The following COL5A1 variants were observed in gnomAD, a reference collection of about 807,000 sequenced individuals.
COL5A1 encodes the protein collagen type V alpha 1 chain, also known as collagen alpha-1(V) chain.
A neutral mutation model predicts 263.7 loss-of-function variants in COL5A1; 16 were observed. That is an observed-to-expected ratio of 0.06 (90% CI 0.04 to 0.09). The LOEUF (loss-of-function observed/expected upper bound fraction) is 0.09. Among genes scored for constraint, COL5A1 ranks in the 10% least tolerant of loss-of-function variants. The pLI, the probability that COL5A1 is intolerant of heterozygous loss-of-function variation, is 1.00. For synonymous variants in COL5A1, 1,012 were observed against 1,004.5 expected (o/e 1.01, Z -0.14); for missense variants, 2,036 against 2,540.5 (o/e 0.80, Z 4.27).
chr9:134,668,220 A>G (rs891904436), intron 1 of COL5A1, among the ~76,000 whole-genome samples: 6 of 152,232 alleles, frequency 3.9e-5, no homozygotes, highest in Non-Finnish European at 8.8e-5. Flanking sequence ...ACATGGTTCA[A>G]TCTAATGCTA....
Position 134,745,639 on chromosome 9 carries a change from G to A in COL5A1, c.1495-4903G>A, listed in dbSNP as rs1468364502. ...CCCTAGGGCTCCTGGAAGAGTGTCT[G>A]TCTAGCTCTTGGAAGGGGCTCAGTA... On this transcript the variant is annotated intron_variant, in intron 11 of 65. Transcript: ENST00000371817. 2.6e-5 allele frequency among the ~76,000 whole-genome samples: 4 copies of A among 152,290 alleles called. 1 individual carries two copies. Among genetic ancestry groups the A allele is most frequent in the African/African-American group, 9.6e-5 (4 of 41,552 alleles).
chr9:134,795,050 G>A, intron 32 of COL5A1, 32 bp from the exon 33 acceptor site: 1 of 1,612,254 alleles, frequency 6.2e-7, no homozygotes, highest in Non-Finnish European at 8.5e-7. Context: ...GGCATTTAGA[G>A]AGTGACTGAC....
At position 134,782,791 on chromosome 9, in the gene COL5A1, G is replaced by T. The variant is rs764542548; in HGVS notation, c.2484+71G>T. 9 of 1,202,004 alleles carry T rather than the reference G, an allele frequency of 7.5e-6. No homozygotes were observed. The Admixed American group carries it at 1.5e-4, about 20-fold the overall frequency. 74.5% of individuals were successfully genotyped at this position (1,202,004 alleles called of 1,614,324 possible). On this transcript the variant is annotated intron_variant, in intron 29 of 65. Transcript: ENST00000371817. ...GCTTGGCCGTGTGGGAGGGGGTGGGGATGTTTGCCGCCACAGGGCAGCTTC... is the reference window on the plus strand; with the variant it reads ...GCTTGGCCGTGTGGGAGGGGGTGGGTATGTTTGCCGCCACAGGGCAGCTTC...
intron 1 of COL5A1, among the ~76,000 whole-genome samples, chr9:134,668,986 T>TCCACCCAC (rs1017179265): frequency 7.4e-6 from 1 of 135,658 alleles, no homozygotes; most frequent in Non-Finnish European, 1.6e-5. Flanking sequence ...CATCCATCCA[T>TCCACCCAC]CCACCCACCC....
chr9:134,733,296 C>G (rs3109678), intron 9 of COL5A1, among the ~76,000 whole-genome samples: 3 of 152,186 alleles, frequency 2.0e-5, no homozygotes, highest in Non-Finnish European at 4.4e-5. Flanking sequence ...CCTGGAATCT[C>G]TTTGAAGCCC....
chr9:134,767,410 G>A, intron 24 of COL5A1, 56 bp downstream of exon 24: 1 of 1,555,116 alleles, frequency 6.4e-7, no homozygotes, highest in Non-Finnish European at 8.9e-7. Flanking sequence ...TGGATTCCCT[G>A]GCCCCACCCT....
rs1026336738 is a variant in COL5A1, at chr9:134,804,253, G to C, written c.3115-722G>C. ...TCTCCGAGCTTGGAAAGGCGGCCAC[G>C]GGCATTTGACCTGCTCGTTTGAAAA... is the stretch of plus-strand genomic sequence containing the variant. On this transcript the variant is annotated intron_variant, in intron 39 of 65. Transcript: ENST00000371817. Among the ~76,000 whole-genome samples, 6 of 152,248 alleles carry C rather than the reference G, an allele frequency of 3.9e-5. No individual in the cohort carries two copies. In the East Asian group the frequency reaches 1.2e-3, roughly 29 times the overall value.
rs78731511 is a variant in COL5A1, at chr9:134,738,215, G to A, written c.1390-259G>A. Among the ~76,000 whole-genome samples, 6,166 of 152,220 alleles carry A rather than the reference G, an allele frequency of 0.041. 185 individuals are homozygous for A. Among genetic ancestry groups the A allele is most frequent in the Non-Finnish European group, 0.063 (4,259 of 67,998 alleles). On this transcript the variant is annotated intron_variant, in intron 9 of 65. Transcript: ENST00000371817. Reference sequence around the variant, plus strand: ...ATCTCGGCGTCTTCAGGTGCTTCTCGTGGCGCTGGTCTTGCGGGAGCCTGT... The same window carrying A: ...ATCTCGGCGTCTTCAGGTGCTTCTCATGGCGCTGGTCTTGCGGGAGCCTGT...
rs1832730473 is a variant in COL5A1 at position 134,678,052 on chromosome 9, C to G, written c.110-12860C>G. 6.6e-6 allele frequency among the ~76,000 whole-genome samples: 1 copy of G among 152,268 alleles called. No individual in the cohort carries two copies. Among genetic ancestry groups the G allele is most frequent in the African/African-American group, 2.4e-5 (1 of 41,468 alleles). ...GGATTGAGCCTCGCTCTGCCCTCAT[C>G]ATGGCCCCAGTGCTCTCCCCAGCGT... On this transcript the variant is annotated intron_variant, in intron 1 of 65. Transcript: ENST00000371817. This position sits in a 1 kb window ranked among gnomAD's most constrained non-coding sequence, Gnocchi z 5.5.
chr9:134,807,521 G>A (rs932295778), intron 42 of COL5A1, among the ~76,000 whole-genome samples: 13 of 152,190 alleles, frequency 8.5e-5, no homozygotes, highest in African/African-American at 3.1e-4. Context: ...TCGAACTCCT[G>A]ACCTCAAGTG....
intron 26 of COL5A1, 66 bp from the exon 27 acceptor site, chr9:134,774,793 T>A: frequency 6.6e-7 from 1 of 1,524,934 alleles, no homozygotes; most frequent in Admixed American, 1.8e-5. Flanking sequence ...CTCTGGAGTT[T>A]CCTGATGTTC....
chr9:134,817,767 G>A lies in COL5A1; in HGVS notation c.4177-11G>A. Reference sequence around the variant, plus strand: ...CACACTCACCACCTGCTGTTCTCTTGCTTCTTTCAGGGTCCCCCAGGCCCC... The same window carrying A: ...CACACTCACCACCTGCTGTTCTCTTACTTCTTTCAGGGTCCCCCAGGCCCC... On this transcript the variant is annotated splice_polypyrimidine_tract_variant and intron_variant, in intron 53 of 65. Transcript: ENST00000371817. 6.2e-7 allele frequency: 1 copy of A among 1,611,492 alleles called. No homozygotes were observed. The highest frequency in any genetic ancestry group is 1.1e-5 in the South Asian group (1 of 90,546).
intron 31 of COL5A1, among the ~76,000 whole-genome samples, chr9:134,788,627 GGATAGACAGATAGA>G (rs1177247368): frequency 3.8e-4 from 55 of 145,746 alleles, no homozygotes; most frequent in African/African-American, 1.5e-3. Flanking sequence ...AGAGATAGAT[GGATAGACAGATAGA>G]TGGATAGACA....
intron 1 of COL5A1, among the ~76,000 whole-genome samples, chr9:134,657,664 T>TG (rs1832062090): frequency 1.4e-5 from 1 of 71,154 alleles, no homozygotes; most frequent in African/African-American, 5.9e-5. Flanking sequence ...ATAGATAATA[T>TG]GGGGGGTGAG....
At chr9:134,814,690 C>A in intron 49 of COL5A1, 107 bp from the exon 50 acceptor site, 1 of 868,112 alleles carries the variant, frequency 1.2e-6, no homozygotes, top group Non-Finnish European at 1.9e-6. Context: ...TCAGCAGATA[C>A]TTGGAAAGGC....
chr9:134,779,572 G>A (rs980833343), intron 27 of COL5A1, among the ~76,000 whole-genome samples: 1 of 152,222 alleles, frequency 6.6e-6, no homozygotes, highest in Non-Finnish European at 1.5e-5. Context: ...TGAGAGCTTA[G>A]CAGGCATTTC....
At position 134,678,899 on chromosome 9, in the gene COL5A1, C is replaced by G. The variant is rs536601754; in HGVS notation, c.110-12013C>G. On this transcript the variant is annotated intron_variant, in intron 1 of 65. Transcript: ENST00000371817. This position sits in a 1 kb window ranked among gnomAD's most constrained non-coding sequence, Gnocchi z 5.5. ...GGATCAGGCTGGTTGGTGTTACCCC[C>G]TGCTGGGGGGCAGGCGTTAGATCTG... Among the ~76,000 whole-genome samples the G allele has an allele frequency of 2.0e-5, 3 of 152,174 alleles. No homozygotes were observed. Among genetic ancestry groups the G allele is most frequent in the Non-Finnish European group, 4.4e-5 (3 of 68,018 alleles).
intron 4 of COL5A1, among the ~76,000 whole-genome samples, chr9:134,705,298 T>C (rs1588454368): frequency 6.6e-6 from 1 of 152,242 alleles, no homozygotes; most frequent in Non-Finnish European, 1.5e-5. Context: ...CGGCTGGTGC[T>C]GTGCCCGCAG....
At position 134,677,435 on chromosome 9, in the gene COL5A1, C is replaced by T. The variant is rs922158676; in HGVS notation, c.110-13477C>T. ...AGGTTTCTCACTGCCTTCTAAATCC[C>T]GAATCTGCCCACACAGGCAGGAATC... On this transcript the variant is annotated intron_variant, in intron 1 of 65. Coordinates refer to ENST00000371817, the MANE Select transcript of COL5A1 (RefSeq NM_000093.5). This position sits in a 1 kb window ranked among gnomAD's most constrained non-coding sequence, Gnocchi z 4.4. 2.0e-5 allele frequency among the ~76,000 whole-genome samples: 3 copies of T among 152,100 alleles called. No homozygotes were observed. Among genetic ancestry groups the T allele is most frequent in the South Asian group, 4.2e-4 (2 of 4,818 alleles).
Sources: allele counts gnomAD v4.1 joint callset (sites outside exome capture counted in the v4.1 genomes callset), GRCh38; gene constraint gnomAD v4.1.1; non-coding constraint Gnocchi (gnomAD v3.1); transcripts MANE v1.5; gene names NCBI Gene and HGNC (gene_info 2026-07-23, HGNC 2026-07-21).